GNB4: variants seen among roughly 807,000 people sequenced by gnomAD.
The protein encoded by GNB4 is guanine nucleotide-binding protein subunit beta-4.
A neutral mutation model predicts 45.2 loss-of-function variants in GNB4; 28 were observed. The ratio of observed to expected loss-of-function variants is 0.62; its 90% CI spans 0.46 to 0.85. GNB4 has a LOEUF of 0.85. Ranked by LOEUF, GNB4 falls within the 40% of genes least tolerant of loss-of-function variation. GNB4 has a pLI of 0.00. For synonymous variants in GNB4, 132 were observed against 143.7 expected, an observed-to-expected ratio of 0.92 and a Z score of 0.58; for missense variants, 321 against 425.4, an observed-to-expected ratio of 0.75 and a Z score of 2.16.
Position 179,398,296 on chromosome 3 carries a change from C to T in GNB4, c.*2917G>A, listed in dbSNP as rs537118482. The T allele has an allele frequency of 7.9e-5, 12 of 151,772 alleles. No individual in the cohort carries two copies. The highest frequency in any genetic ancestry group is 1.3e-4 in the Non-Finnish European group (9 of 68,032). The allele number at this position is 151,772 out of a possible 1,614,324, so 9.4% of individuals were successfully genotyped here. On this transcript the variant is annotated 3_prime_UTR_variant, in exon 10 of 10. Transcript: ENST00000232564. The stretch of plus-strand genomic sequence containing the variant: ...TTGGGAGGCTGAGGCTGGTGGATCA[C>T]TTGAGGCCAGGAGTACGAGATCAGA...
the GNB4 span, among the ~76,000 whole-genome samples, chr3:179,520,620 G>A: frequency 7.2e-5 from 11 of 152,076 alleles, no homozygotes; most frequent in Middle Eastern, 3.4e-3. Flanking sequence ...CCCACCTGAC[G>A]CATATACTTT....
At chr3:179,460,662 C>T in the GNB4 span, among the ~76,000 whole-genome samples, 237 of 132,818 alleles carry the variant, frequency 1.8e-3, 1 homozygote, top group African/African-American at 6.7e-3. Context: ...ATACCTAAAT[C>T]AACCTTTTTT....
At chr3:179,468,035 A>AAAAAAAATATATATATATATAT in the GNB4 span, among the ~76,000 whole-genome samples, 116 of 89,860 alleles carry the variant, frequency 1.3e-3, 5 homozygotes, top group African/African-American at 3.9e-3. Flanking sequence ...TGTTGATAAA[A>AAAAAAAATATATATATATATAT]ATATATATAT....
At chr3:179,481,780 C>G in the GNB4 span, among the ~76,000 whole-genome samples, 1 of 152,164 alleles carries the variant, frequency 6.6e-6, no homozygotes, top group Non-Finnish European at 1.5e-5. Context: ...ATCAACTGCT[C>G]CAAAACAAAG....
chr3:179,468,035 A>AAAAAAAAAAAAAAAATATATATAT, the GNB4 span, among the ~76,000 whole-genome samples: 7 of 89,866 alleles, frequency 7.8e-5, no homozygotes, highest in African/African-American at 2.8e-4. Context: ...TGTTGATAAA[A>AAAAAAAAAAAAAAAATATATATAT]ATATATATAT....
At chr3:179,439,280 C>T (rs919826237) in intron 1 of GNB4, among the ~76,000 whole-genome samples, 3 of 152,156 alleles carry the variant, frequency 2.0e-5, no homozygotes, top group African/African-American at 7.2e-5. Flanking sequence ...TCCTAAAAAT[C>T]ACTAAACTGG....
chr3:179,440,144 C>T (rs1294014684), intron 1 of GNB4, among the ~76,000 whole-genome samples: 1 of 152,100 alleles, frequency 6.6e-6, no homozygotes, highest in African/African-American at 2.4e-5. Context: ...AATTCCTTGA[C>T]ATATTTCAGG....
chr3:179,472,324 T>TTTTTTC, the GNB4 span, among the ~76,000 whole-genome samples: 1 of 151,544 alleles, frequency 6.6e-6, no homozygotes, highest in African/African-American at 2.4e-5. Flanking sequence ...TTAACACATA[T>TTTTTTC]TTTTTCTTTT....
At chr3:179,523,141 G>C in the GNB4 span, among the ~76,000 whole-genome samples, 2 of 152,174 alleles carry the variant, frequency 1.3e-5, no homozygotes. Flanking sequence ...GAGCTGTTTC[G>C]TAGAAGGGGT....
At chr3:179,467,429 G>A in the GNB4 span, among the ~76,000 whole-genome samples, 1 of 152,190 alleles carries the variant, frequency 6.6e-6, no homozygotes, top group East Asian at 1.9e-4. Context: ...GGAGTTCTGA[G>A]ATTAAATGTA....
At chr3:179,443,660 T>G (rs1715649922) in intron 1 of GNB4, among the ~76,000 whole-genome samples, 1 of 152,214 alleles carries the variant, frequency 6.6e-6, no homozygotes, top group South Asian at 2.1e-4. Context: ...AGATAAAATT[T>G]TAGAGGTTTT....
At chr3:179,438,222 C>T (rs1715510120) in intron 1 of GNB4, among the ~76,000 whole-genome samples, 1 of 152,178 alleles carries the variant, frequency 6.6e-6, no homozygotes, top group Admixed American at 6.5e-5. Flanking sequence ...CTCAAAACAA[C>T]CTCAGAAGGT....
chr3:179,479,200 A>G, the GNB4 span, among the ~76,000 whole-genome samples: 1 of 152,168 alleles, frequency 6.6e-6, no homozygotes, highest in Non-Finnish European at 1.5e-5. Flanking sequence ...AAATCTTTAA[A>G]ATCAGTATCA....
At chr3:179,502,606 C>G in the GNB4 span, among the ~76,000 whole-genome samples, 1 of 151,866 alleles carries the variant, frequency 6.6e-6, no homozygotes, top group South Asian at 2.1e-4. Context: ...TTCTAGTGTG[C>G]TATTGCTGCT....
the GNB4 span, among the ~76,000 whole-genome samples, chr3:179,494,382 A>G: frequency 7.2e-5 from 11 of 152,026 alleles, no homozygotes; most frequent in African/African-American, 2.4e-4. Flanking sequence ...GGAGGGAGAA[A>G]AAATCACTAG....
chr3:179,466,013 T>G, the GNB4 span, among the ~76,000 whole-genome samples: 1 of 148,086 alleles, frequency 6.8e-6, no homozygotes, highest in Non-Finnish European at 1.5e-5. Context: ...AGTCGTTTTT[T>G]TTTTTTTTTT....
At chr3:179,462,940 T>C in the GNB4 span, among the ~76,000 whole-genome samples, 1 of 152,010 alleles carries the variant, frequency 6.6e-6, no homozygotes, top group African/African-American at 2.4e-5. Flanking sequence ...ACCTCATTTG[T>C]GAATAGCAAA....
chr3:179,432,987 C>T (rs546985283), intron 1 of GNB4, among the ~76,000 whole-genome samples: 3 of 152,208 alleles, frequency 2.0e-5, no homozygotes, highest in Admixed American at 6.5e-5. Context: ...CTTAGCCAGG[C>T]GGACTAACTG....
At chr3:179,507,499 A>G in the GNB4 span, among the ~76,000 whole-genome samples, 1 of 152,170 alleles carries the variant, frequency 6.6e-6, no homozygotes, top group African/African-American at 2.4e-5. Flanking sequence ...CATTGTCATC[A>G]GGTCTCTGTC....
Sources: gnomAD v4.1 joint callset for allele counts (sites outside exome capture counted in the v4.1 genomes callset) on GRCh38, gnomAD v4.1.1 for gene constraint, MANE v1.5 for transcripts, NCBI Gene and HGNC (gene_info 2026-07-23, HGNC 2026-07-21) for gene names.